The following EYS variants were observed in gnomAD, a reference collection of about 807,000 sequenced individuals.
EYS encodes the protein EGF-like photoreceptor maintenance factor.
In EYS, 250 loss-of-function variants were observed where a neutral mutation model predicts 282.1. The observed-to-expected ratio is 0.89, with a 90% CI of 0.80 to 0.98. EYS has a LOEUF of 0.98. Ranked by LOEUF, EYS falls within the 50% of genes least tolerant of loss-of-function variation. The pLI is 0.00. For missense variants in EYS, 4,016 were observed against 3,709.0 expected (o/e 1.08, Z -2.15); for synonymous variants, 1,355 against 1,282.9 (o/e 1.06, Z -1.20).
chr6:64,521,538 G>A (rs1343890681), intron 26 of EYS, among the ~76,000 whole-genome samples: 1 of 151,654 alleles, frequency 6.6e-6, no homozygotes, highest in Admixed American at 6.6e-5. Context: ...TATGCTTGAA[G>A]CTGCAAGAAT....
intron 34 of EYS, among the ~76,000 whole-genome samples, chr6:63,987,680 C>A (rs942975782): frequency 2.0e-5 from 3 of 151,526 alleles, no homozygotes; most frequent in Non-Finnish European, 4.4e-5. Flanking sequence ...CACATTCATA[C>A]CTCAAGTTGA....
intron 37 of EYS, among the ~76,000 whole-genome samples, chr6:63,805,349 G>A (rs1770877674): frequency 6.6e-6 from 1 of 152,198 alleles, no homozygotes; most frequent in Admixed American, 6.5e-5. Flanking sequence ...GGGCACTAGA[G>A]TACTTTGTTA....
At chr6:64,391,269 A>G (rs1773127719) in intron 28 of EYS, among the ~76,000 whole-genome samples, 1 of 151,740 alleles carries the variant, frequency 6.6e-6, no homozygotes, top group African/African-American at 2.4e-5. Flanking sequence ...CAGGAAATAC[A>G]GAGAACGCCA....
At chr6:65,655,291 A>G (rs1767782535) in intron 1 of EYS, among the ~76,000 whole-genome samples, 1 of 151,726 alleles carries the variant, frequency 6.6e-6, no homozygotes, top group South Asian at 2.1e-4. Context: ...AGATGCATAT[A>G]GTGACTTCCT....
At chr6:65,558,114 G>GGACC (rs1293658704) in intron 2 of EYS, among the ~76,000 whole-genome samples, 1 of 152,118 alleles carries the variant, frequency 6.6e-6, no homozygotes, top group African/African-American at 2.4e-5. Context: ...GTTTCACTGG[G>GGACC]GACCTTCTTT....
chr6:64,022,737 G>A (rs1276557426), intron 33 of EYS, among the ~76,000 whole-genome samples: 5 of 152,200 alleles, frequency 3.3e-5, no homozygotes, highest in Non-Finnish European at 7.3e-5. Flanking sequence ...GTGACTCTAA[G>A]AATAGTTTTA....
chr6:64,221,273 C>T (rs774340145), intron 31 of EYS, among the ~76,000 whole-genome samples: 41 of 152,176 alleles, frequency 2.7e-4, no homozygotes, highest in Non-Finnish European at 4.7e-4. Context: ...TTGGCATGTT[C>T]GGTGTAATGA....
chr6:64,705,843 G>A (rs1583062429), intron 22 of EYS, among the ~76,000 whole-genome samples: 1 of 110,526 alleles, frequency 9.0e-6, no homozygotes, highest in African/African-American at 3.3e-5. Context: ...GGGAGGGAGG[G>A]GGGAGGGGGG....
chr6:64,817,406 G>A (rs566607388), intron 21 of EYS, among the ~76,000 whole-genome samples: 4 of 152,192 alleles, frequency 2.6e-5, no homozygotes, highest in Admixed American at 2.0e-4. Context: ...ATACATGGCA[G>A]ACAAAATGTA....
intron 30 of EYS, among the ~76,000 whole-genome samples, chr6:64,234,572 T>C (rs908345049): frequency 6.6e-6 from 1 of 152,170 alleles, no homozygotes; most frequent in Non-Finnish European, 1.5e-5. Context: ...GCATACATAG[T>C]GTACCCATTT....
chr6:64,014,034 C>G (rs78138146), intron 33 of EYS, among the ~76,000 whole-genome samples: 2 of 152,012 alleles, frequency 1.3e-5, no homozygotes, highest in African/African-American at 4.8e-5. Flanking sequence ...GGGGTGTTCA[C>G]TCCTCTGAGT....
chr6:64,484,318 T>A (rs1776521664), intron 26 of EYS, among the ~76,000 whole-genome samples: 1 of 151,380 alleles, frequency 6.6e-6, no homozygotes, highest in South Asian at 2.1e-4. Flanking sequence ...AGCAAAGTTA[T>A]GGGGTTCTGC....
At chr6:65,090,532 G>T (rs912206470) in intron 12 of EYS, among the ~76,000 whole-genome samples, 2 of 152,042 alleles carry the variant, frequency 1.3e-5, no homozygotes, top group Non-Finnish European at 2.9e-5. Flanking sequence ...TACTGGATTT[G>T]ACTTTATATT....
intron 31 of EYS, among the ~76,000 whole-genome samples, chr6:64,209,548 T>C (rs977333616): frequency 6.6e-6 from 1 of 152,220 alleles, no homozygotes; most frequent in East Asian, 1.9e-4. Flanking sequence ...CATTTATGCT[T>C]TCCCTCCATT....
chr6:65,266,231 C>G (rs1410800772), intron 12 of EYS, among the ~76,000 whole-genome samples: 6 of 151,792 alleles, frequency 4.0e-5, no homozygotes, highest in Non-Finnish European at 8.8e-5. Flanking sequence ...TATTGCAACA[C>G]CTGTAGAACC....
At chr6:64,895,377 A>G (rs1767426531) in intron 18 of EYS, among the ~76,000 whole-genome samples, 1 of 152,204 alleles carries the variant, frequency 6.6e-6, no homozygotes, top group African/African-American at 2.4e-5. Context: ...ATTTTGAAAG[A>G]CCTAAATAAA....
intron 14 of EYS, among the ~76,000 whole-genome samples, chr6:64,976,856 G>A (rs1048716642): frequency 2.0e-5 from 3 of 151,530 alleles, no homozygotes; most frequent in African/African-American, 4.8e-5. Context: ...GAAGGTTTGT[G>A]GGAATCCTGT....
intron 14 of EYS, among the ~76,000 whole-genome samples, chr6:64,953,871 GAA>G (rs1333064197): frequency 6.6e-6 from 1 of 151,894 alleles, no homozygotes; most frequent in Non-Finnish European, 1.5e-5. Context: ...TGAAGAATAT[GAA>G]AAGTCACATG....
At chr6:64,439,609 T>A (rs967288085) in intron 26 of EYS, among the ~76,000 whole-genome samples, 2 of 151,818 alleles carry the variant, frequency 1.3e-5, no homozygotes, top group African/African-American at 2.4e-5. Flanking sequence ...TGCTTTTACT[T>A]AGATTTTATG....
Sources: gnomAD v4.1 joint callset for allele counts (sites outside exome capture counted in the v4.1 genomes callset) on GRCh38, gnomAD v4.1.1 for gene constraint, MANE v1.5 for transcripts, NCBI Gene and HGNC (gene_info 2026-07-23, HGNC 2026-07-21) for gene names.